SEZ6: variants seen among roughly 807,000 people sequenced by gnomAD.
SEZ6 encodes seizure protein 6 homolog.
SEZ6 carries 53 observed loss-of-function variants against 101.0 expected under a neutral mutation model. The ratio of observed to expected loss-of-function variants is 0.52; its 90% CI spans 0.42 to 0.66. The LOEUF (loss-of-function observed/expected upper bound fraction) is 0.66. Ranked by LOEUF, SEZ6 falls within the 30% of genes least tolerant of loss-of-function variation. The pLI is 0.00. For synonymous variants in SEZ6, 488 were observed against 512.2 expected (o/e 0.95, Z 0.64); for missense variants, 1,102 against 1,289.4 (o/e 0.85, Z 2.23).
At chr17:28,979,920 TG>T in intron 2 of SEZ6, 107 bp from the exon 3 acceptor site, 6 of 1,077,612 alleles carry the variant, frequency 5.6e-6, no homozygotes, top group Non-Finnish European at 7.5e-6. Flanking sequence ...TGTGTGTGTG[TG>T]TGTGGTGAAG....
chr17:28,974,417 C>T (rs1323050596), intron 3 of SEZ6, among the ~76,000 whole-genome samples: 2 of 152,200 alleles, frequency 1.3e-5, no homozygotes, highest in African/African-American at 4.8e-5. Flanking sequence ...CCACCACCAC[C>T]CTATTCGCAT....
Position 28,986,173 on chromosome 17 carries a change from T to C in SEZ6, c.56-4134A>G, listed in dbSNP as rs532886179. On this transcript the variant is annotated intron_variant, in intron 1 of 16. Coordinates refer to ENST00000317338, the MANE Select transcript of SEZ6 (RefSeq NM_178860.5). Reference sequence around the variant, plus strand: ...CCCTGTTTAAAGTATTTAGACGAAATGAAAAAAGGCTTTCATCGGCACTAA... The same window carrying C: ...CCCTGTTTAAAGTATTTAGACGAAACGAAAAAAGGCTTTCATCGGCACTAA... Among the ~76,000 whole-genome samples, 180 of 152,282 alleles carry C rather than the reference T, an allele frequency of 1.2e-3. 1 individual carries two copies. In the Middle Eastern group the frequency reaches 0.014, roughly 12 times the overall value.
chr17:29,002,952 C>T (rs889495940), intron 1 of SEZ6, among the ~76,000 whole-genome samples: 24 of 152,110 alleles, frequency 1.6e-4, no homozygotes, highest in Admixed American at 5.2e-4. Flanking sequence ...CATCCCCAGG[C>T]CCCCTCTATC....
chr17:28,987,608 C>T (rs2041401575), intron 1 of SEZ6, among the ~76,000 whole-genome samples: 1 of 152,168 alleles, frequency 6.6e-6, no homozygotes, highest in Admixed American at 6.5e-5. Flanking sequence ...TCCAAGGTCA[C>T]CCAGAAGCTA....
At chr17:29,000,437 C>T (rs1399196573) in intron 1 of SEZ6, among the ~76,000 whole-genome samples, 1 of 152,240 alleles carries the variant, frequency 6.6e-6, no homozygotes, top group East Asian at 1.9e-4. Context: ...AAACGCTTGA[C>T]CAGTGAAGGC....
At chr17:28,971,701 G>T (rs1305792140) in intron 3 of SEZ6, among the ~76,000 whole-genome samples, 1 of 152,194 alleles carries the variant, frequency 6.6e-6, no homozygotes, top group African/African-American at 2.4e-5. Flanking sequence ...ATGGGCTCAA[G>T]GTTCCTACCA....
At chr17:28,966,227 T>A (rs1478378860) in intron 4 of SEZ6, among the ~76,000 whole-genome samples, 1 of 150,742 alleles carries the variant, frequency 6.6e-6, no homozygotes, top group Admixed American at 6.6e-5. Flanking sequence ...ACACCTGTAA[T>A]CCCAGCACTT....
In SEZ6 at chr17:28,978,975, T is replaced by A. The variant is rs140836377; in HGVS notation, c.858+705A>T. Among the ~76,000 whole-genome samples the A allele has an allele frequency of 9.2e-5, 14 of 152,162 alleles. No homozygotes were observed. In the East Asian group the frequency reaches 2.7e-3, roughly 29 times the overall value. The stretch of plus-strand genomic sequence containing the variant: ...AGGGAAAGGCTAAGGAGACCCCATG[T>A]TGCACATTAAGGGACACCATCCACA... On this transcript the variant is annotated intron_variant, in intron 3 of 16. Coordinates refer to ENST00000317338, the MANE Select transcript of SEZ6 (RefSeq NM_178860.5).
intron 3 of SEZ6, among the ~76,000 whole-genome samples, chr17:28,973,495 G>A (rs2041181654): frequency 6.6e-6 from 1 of 152,198 alleles, no homozygotes; most frequent in South Asian, 2.1e-4. Flanking sequence ...GGGGAGGCAT[G>A]GCCCTTTCAA....
Position 28,956,652 on chromosome 17 carries a change from T to C in SEZ6, c.2731+67A>G. ...CTGCCCTCCCTCCTTGGGAAGCCCA[T>C]GACCTGGGAGCCGTGAGAACCAGGA... On this transcript the variant is annotated intron_variant, in intron 14 of 16. Transcript: ENST00000317338. The C allele has an allele frequency of 2.6e-6, 4 of 1,546,592 alleles. No homozygotes were observed. In the South Asian group the frequency reaches 4.8e-5, roughly 18 times the overall value.
intron 3 of SEZ6, among the ~76,000 whole-genome samples, 165 bp from the exon 4 acceptor site, chr17:28,970,117 T>C (rs1173502801): frequency 6.6e-6 from 1 of 152,068 alleles, no homozygotes; most frequent in African/African-American, 2.4e-5. Context: ...AGTGCAGGAG[T>C]TGCTCATCTC....
In SEZ6 at chr17:28,959,501, CT is replaced by C; in HGVS notation, c.1772-30del. ...GAAGGCAGAGGAGGCCCAGAAGGGT[CT>C]TTTCAAGCTTACCATGGTGTTGCTT... On this transcript the variant is annotated intron_variant, in intron 8 of 16. Coordinates refer to ENST00000317338, the MANE Select transcript of SEZ6 (RefSeq NM_178860.5). The surrounding 1 kb of genome is among the most constrained non-coding windows in gnomAD (Gnocchi z 4.4). The C allele has an allele frequency of 6.2e-7, 1 of 1,605,352 alleles. No individual in the cohort carries two copies. Among genetic ancestry groups the C allele is most frequent in the Non-Finnish European group, 8.5e-7 (1 of 1,176,988 alleles).
At chr17:28,976,266 GA>G (rs1337085893) in intron 3 of SEZ6, among the ~76,000 whole-genome samples, 1 of 152,230 alleles carries the variant, frequency 6.6e-6, no homozygotes, top group Non-Finnish European at 1.5e-5. Context: ...GGCTTTTAGG[GA>G]TTCTGGTACC....
chr17:28,964,184 C>G, intron 4 of SEZ6, 37 bp from the exon 5 acceptor site: 2 of 1,509,564 alleles, frequency 1.3e-6, no homozygotes, highest in East Asian at 2.5e-5. Context: ...TGTATGTGTG[C>G]AGGGTGGGGG....
chr17:28,985,992 G>C (rs564263183), intron 1 of SEZ6, among the ~76,000 whole-genome samples: 1 of 152,112 alleles, frequency 6.6e-6, no homozygotes, highest in Admixed American at 6.5e-5. Context: ...GGCTGGGTCC[G>C]GGAAACACCC....
At chr17:28,968,734 C>T (rs946740953) in intron 4 of SEZ6, among the ~76,000 whole-genome samples, 14 of 152,188 alleles carry the variant, frequency 9.2e-5, no homozygotes, top group African/African-American at 2.9e-4. Flanking sequence ...GGCTCTTCTG[C>T]CCGGCTGTGG....
Position 28,964,070 on chromosome 17 carries a change from T to A in SEZ6, c.1132A>T (p.Ser378Cys), listed in dbSNP as rs768227255. 1.5e-5 allele frequency: 24 copies of A among 1,608,832 alleles called. No homozygotes were observed. The highest frequency in any genetic ancestry group is 1.6e-4 in the Middle Eastern group (1 of 6,082). The change falls in exon 5 of 17, where the codon AGT becomes TGT. Residue 378 changes from serine to cysteine, a missense_variant. Transcript: ENST00000317338. ...VTVTSLHPGG[S>C]ARFHCATGYQ... is the part of the protein sequence containing the mutation. ...CCAGTGGCACAATGGAAGCGGGCAC[T>A]ACCCCCTGGGTGGAGGCTGGTGACA...
At chr17:28,970,127 C>T (rs931644594) in intron 3 of SEZ6, among the ~76,000 whole-genome samples, 175 bp from the exon 4 acceptor site, 1 of 152,226 alleles carries the variant, frequency 6.6e-6, no homozygotes. Flanking sequence ...TTGCTCATCT[C>T]AGTGTGAGAC....
chr17:28,975,694 A>G (rs926143085), intron 3 of SEZ6, among the ~76,000 whole-genome samples: 1 of 152,166 alleles, frequency 6.6e-6, no homozygotes, highest in African/African-American at 2.4e-5. Context: ...CCCCTACCCC[A>G]TGCCCACATC....
Sources: allele counts gnomAD v4.1 joint callset (sites outside exome capture counted in the v4.1 genomes callset), GRCh38; gene constraint gnomAD v4.1.1; non-coding constraint Gnocchi (gnomAD v3.1); transcripts MANE v1.5; gene names NCBI Gene and HGNC (gene_info 2026-07-23, HGNC 2026-07-21).